Variants in SAMSN1 observed in about 807,000 individuals in gnomAD.
SAMSN1 encodes the protein SAM domain-containing protein SAMSN-1.
A neutral mutation model predicts 42.0 loss-of-function variants in SAMSN1; 31 were observed. The ratio of observed to expected loss-of-function variants is 0.74; its 90% CI spans 0.55 to 1.00. SAMSN1 has a LOEUF of 1.00. SAMSN1 is among the 50% of genes least tolerant of loss of function. SAMSN1 has a pLI of 0.00. For missense variants in SAMSN1, 464 were observed against 439.4 expected, an observed-to-expected ratio of 1.06 and a Z score of -0.50; for synonymous variants, 178 against 151.9, an observed-to-expected ratio of 1.17 and a Z score of -1.26.
rs758923527 is a variant in SAMSN1 at position 14,498,479 on chromosome 21, CCTT to C, written c.879_881del (p.Arg294del). The C allele has an allele frequency of 9.9e-6, 16 of 1,610,764 alleles. No homozygotes were observed. Among genetic ancestry groups the C allele is most frequent in the African/African-American group, 6.7e-5 (5 of 74,584 alleles). ...GGAAGTTTTCAGCAGCTGATAGTAA[CCTT>C]CTTCTGTCATCTGGGTTTTCAATAT... is the stretch of plus-strand genomic sequence containing the variant. On this transcript the variant is annotated inframe_deletion, in exon 7 of 8. Transcript: ENST00000400566.
chr21:14,600,888 G>A (rs1478393181), intron 6 of SAMSN1, among the ~76,000 whole-genome samples: 2 of 152,160 alleles, frequency 1.3e-5, no homozygotes, highest in Non-Finnish European at 2.9e-5. Context: ...GAGAAGGAGG[G>A]TGAGGGAGAA....
At chr21:14,658,672 A>G in intron 1 of SAMSN1, 2 of 708,478 alleles carry the variant, frequency 2.8e-6, no homozygotes, top group South Asian at 3.0e-5. Flanking sequence ...GAAGTTTAGA[A>G]TATATCCTAA....
chr21:14,551,917 G>A (rs1366409964), intron 2 of SAMSN1, among the ~76,000 whole-genome samples: 2 of 152,084 alleles, frequency 1.3e-5, no homozygotes, highest in Admixed American at 1.3e-4. Context: ...TATGTCATAA[G>A]TAGGTCTTGG....
chr21:14,522,543 C>A (rs1055453071), intron 1 of SAMSN1, among the ~76,000 whole-genome samples: 1 of 152,258 alleles, frequency 6.6e-6, no homozygotes, highest in African/African-American at 2.4e-5. Context: ...TCCCTTAATG[C>A]TCTCAATGGG....
chr21:14,637,974 A>G (rs1983506931), intron 2 of SAMSN1, among the ~76,000 whole-genome samples: 1 of 152,166 alleles, frequency 6.6e-6, no homozygotes, highest in Admixed American at 6.5e-5. Context: ...GACACCAATT[A>G]TGATAAGGAT....
chr21:14,627,291 T>C, intron 2 of SAMSN1, among the ~76,000 whole-genome samples: 1 of 149,100 alleles, frequency 6.7e-6, no homozygotes, highest in East Asian at 2.0e-4. Context: ...AAAAAAGCAA[T>C]ATAAACACCA....
At chr21:14,510,639 T>C (rs995143612) in intron 4 of SAMSN1, among the ~76,000 whole-genome samples, 178 bp from the exon 5 acceptor site, 1 of 151,974 alleles carries the variant, frequency 6.6e-6, no homozygotes, top group Non-Finnish European at 1.5e-5. Flanking sequence ...ACGTCTGTCC[T>C]CTGAGCCATT....
intron 1 of SAMSN1, among the ~76,000 whole-genome samples, chr21:14,656,273 G>T (rs1233286141): frequency 6.6e-6 from 1 of 151,726 alleles, no homozygotes; most frequent in African/African-American, 2.4e-5. Context: ...GGGGAGCAGG[G>T]TATTCTTCTG....
At chr21:14,609,272 T>C (rs887917394) in intron 5 of SAMSN1, among the ~76,000 whole-genome samples, 2 of 152,148 alleles carry the variant, frequency 1.3e-5, no homozygotes, top group Non-Finnish European at 2.9e-5. Flanking sequence ...CATGTGTCTA[T>C]GTGATATATA....
intron 2 of SAMSN1, among the ~76,000 whole-genome samples, chr21:14,571,399 A>G (rs189416895): frequency 2.0e-4 from 30 of 152,308 alleles, no homozygotes; most frequent in African/African-American, 7.2e-4. Context: ...CAATAAAGCC[A>G]TATTTCTAAT....
intron 2 of SAMSN1, among the ~76,000 whole-genome samples, chr21:14,570,501 A>G (rs1337386943): frequency 1.3e-5 from 2 of 152,214 alleles, no homozygotes; most frequent in African/African-American, 4.8e-5. Context: ...TAAAGGACAG[A>G]TTTGGAATGT....
chr21:14,541,986 T>G (rs773141306), intron 1 of SAMSN1, among the ~76,000 whole-genome samples: 77 of 68,598 alleles, frequency 1.1e-3, no homozygotes, highest in Non-Finnish European at 1.9e-3. Flanking sequence ...AATGAGACCC[T>G]GAAAAAAAAA....
chr21:14,652,872 A>T (rs1240259856), intron 1 of SAMSN1, among the ~76,000 whole-genome samples: 1 of 152,128 alleles, frequency 6.6e-6, no homozygotes, highest in Non-Finnish European at 1.5e-5. Flanking sequence ...AAAATGGGCA[A>T]AAGAATTTGA....
chr21:14,633,193 C>T (rs922136905), intron 2 of SAMSN1, among the ~76,000 whole-genome samples: 10 of 152,024 alleles, frequency 6.6e-5, no homozygotes, highest in Admixed American at 2.6e-4. Flanking sequence ...CTCTCTCTCT[C>T]TCTACACACA....
chr21:14,577,184 T>G lies in SAMSN1; in HGVS notation c.261+4952A>C, dbSNP rs1981499638. On this transcript the variant is annotated intron_variant, in intron 2 of 8. Coordinates refer to the SAMSN1 transcript ENST00000285670. ...GATTCTCCTGCCTCAGCCTCTCGAG[T>G]AGCTGGGATTACAGGTGCATGTCAC... Among the ~76,000 whole-genome samples, 5 of 126,584 alleles carry G rather than the reference T, an allele frequency of 3.9e-5. 1 individual carries two copies. Among genetic ancestry groups the G allele is most frequent in the East Asian group, 2.4e-4 (1 of 4,100 alleles). 83.0% of individuals were successfully genotyped at this position (126,584 alleles called of 152,430 possible).
intron 5 of SAMSN1, among the ~76,000 whole-genome samples, chr21:14,508,725 G>T (rs1987539678): frequency 6.6e-6 from 1 of 152,228 alleles, no homozygotes; most frequent in Non-Finnish European, 1.5e-5. Context: ...CAGAGGAAAA[G>T]AAGTCATTAT....
At chr21:14,610,021 A>G (rs1176451179) in intron 4 of SAMSN1, among the ~76,000 whole-genome samples, 2 of 152,166 alleles carry the variant, frequency 1.3e-5, no homozygotes, top group African/African-American at 4.8e-5. Context: ...TAACTGCACA[A>G]ATTGTTTGTA....
At chr21:14,596,649 G>A (rs1428246099) in intron 6 of SAMSN1, among the ~76,000 whole-genome samples, 1 of 152,124 alleles carries the variant, frequency 6.6e-6, no homozygotes, top group Non-Finnish European at 1.5e-5. Context: ...ATGACATTCT[G>A]CGAAGACACT....
chr21:14,572,789 A>G (rs1385489872), intron 2 of SAMSN1, among the ~76,000 whole-genome samples: 1 of 152,162 alleles, frequency 6.6e-6, no homozygotes, highest in African/African-American at 2.4e-5. Flanking sequence ...TGATGTCTCC[A>G]TTTTTATAGA....
Sources: gnomAD v4.1 joint callset for allele counts (sites outside exome capture counted in the v4.1 genomes callset) on GRCh38, gnomAD v4.1.1 for gene constraint, MANE v1.5 for transcripts, NCBI Gene and HGNC (gene_info 2026-07-23, HGNC 2026-07-21) for gene names.